The following DLEC1 variants were observed in gnomAD, a reference collection of about 807,000 sequenced individuals.
DLEC1 encodes the protein deleted in lung and esophageal cancer protein 1.
A neutral mutation model predicts 198.1 loss-of-function variants in DLEC1; 146 were observed. The observed-to-expected ratio is 0.74, with a 90% CI of 0.64 to 0.85. The LOEUF (loss-of-function observed/expected upper bound fraction) is 0.85, where lower values mean the gene tolerates loss of function less well. DLEC1 is among the 40% of genes least tolerant of loss of function. DLEC1 has a pLI of 0.00. For synonymous variants in DLEC1, 897 were observed against 866.8 expected (o/e 1.03, Z -0.61); for missense variants, 2,233 against 2,220.0 (o/e 1.01, Z -0.12).
At chr3:38,073,516 G>T (rs1697437710) in intron 6 of DLEC1, among the ~76,000 whole-genome samples, 2 of 152,120 alleles carry the variant, frequency 1.3e-5, no homozygotes, top group African/African-American at 4.8e-5. Context: ...GTGGGTTAAG[G>T]TGGGGGGATA....
Position 38,039,466 on chromosome 3 carries a change from C to G in DLEC1, c.241C>G (p.Arg81Gly). ...GCAGCGTCCCGAGCCTCAGCTGCTT[C>G]GTCTGCGCCCCTCCTCGCTGCGCAC... ...LAQRPEPQLL[R>G]LRPSSLRTQD... The change falls in exon 1 of 37, where the codon CGT (arginine) becomes GGT (glycine). Residue 81 changes from arginine (R) to glycine (G), a missense_variant. Arg to Gly is a moderately radical substitution (Grantham distance 125, BLOSUM62 -2). Transcript: ENST00000308059. The G allele has an allele frequency of 1.2e-6, 2 of 1,614,032 alleles. No homozygotes were observed. The highest frequency in any genetic ancestry group is 8.5e-7 in the Non-Finnish European group (1 of 1,179,892).
Position 38,117,507 on chromosome 3 carries a change from CAAT to C in DLEC1, c.4401-19_4401-17del, listed in dbSNP as rs1272315294. Reference sequence around the variant, plus strand: ...GCCCCAGGCGCCCGGCTTGCCCCAACAATGCCTATTGCTGGGCAGGCTAAGTGT... The same window carrying C: ...GCCCCAGGCGCCCGGCTTGCCCCAACGCCTATTGCTGGGCAGGCTAAGTGT... On this transcript the variant is annotated splice_polypyrimidine_tract_variant and intron_variant, in intron 31 of 36. Coordinates refer to ENST00000308059, the MANE Select transcript of DLEC1 (RefSeq NM_007335.4). 1.2e-6 allele frequency: 2 copies of C among 1,614,032 alleles called. No individual in the cohort carries two copies. The highest frequency in any genetic ancestry group is 1.7e-6 in the Non-Finnish European group (2 of 1,179,980).
intron 2 of DLEC1, among the ~76,000 whole-genome samples, chr3:38,058,985 TATAA>T (rs1270378218): frequency 5.9e-5 from 9 of 152,238 alleles, no homozygotes; most frequent in Admixed American, 2.6e-4. Flanking sequence ...TTGGAATACC[TATAA>T]ATAATGTTAT....
Position 38,063,894 on chromosome 3 carries a change from A to G in DLEC1, c.1148A>G (p.Asp383Gly). 2 of 1,612,656 alleles carry G rather than the reference A, an allele frequency of 1.2e-6. No homozygotes were observed. Among genetic ancestry groups the G allele is most frequent in the Non-Finnish European group, 1.7e-6 (2 of 1,179,272 alleles). Residue 383 changes from aspartate to glycine, a missense_variant, in exon 6 of 37, where the codon GAT becomes GGT. Transcript: ENST00000308059. ...AAGCCACCAATTGGGTTTTTCACAGATTATGAAATTGGTCCAGTTTATGAG... is the reference window on the plus strand; with the variant it reads ...AAGCCACCAATTGGGTTTTTCACAGGTTATGAAATTGGTCCAGTTTATGAG... The part of the protein sequence containing the change: ...LAKPPIGFFT[D>G]YEIGPVYEMV...
At chr3:38,045,077 C>A (rs1700821538) in intron 1 of DLEC1, among the ~76,000 whole-genome samples, 1 of 152,166 alleles carries the variant, frequency 6.6e-6, no homozygotes, top group South Asian at 2.1e-4. Context: ...GTCTTTATAC[C>A]CCTGCCTCTC....
Position 38,086,310 on chromosome 3 carries a change from A to T in DLEC1, c.1505A>T (p.Asn502Ile). The T allele has an allele frequency of 3.1e-6, 5 of 1,613,386 alleles. No individual in the cohort carries two copies. Among genetic ancestry groups the T allele is most frequent in the Non-Finnish European group, 4.2e-6 (5 of 1,179,612 alleles). ...AAGATGACCAGATTCATCTGCAAAA[A>T]TGTGGGTTTCAGTGTTGGCAGGTTC... ...GVKMTRFICK[N>I]VGFSVGRFCI... Residue 502 changes from asparagine to isoleucine, a missense_variant, in exon 9 of 37, where the codon AAT (asparagine) becomes ATT (isoleucine). By Grantham distance (149) the Asn-to-Ile change is moderately radical. Coordinates refer to ENST00000308059, the MANE Select transcript of DLEC1 (RefSeq NM_007335.4).
chr3:38,076,003 C>A (rs569279969), intron 6 of DLEC1, among the ~76,000 whole-genome samples: 15 of 152,146 alleles, frequency 9.9e-5, no homozygotes, highest in African/African-American at 3.6e-4. Flanking sequence ...GGCATCCCTG[C>A]AATGATTAAA....
chr3:38,100,360 G>A lies in DLEC1; in HGVS notation c.2799G>A (p.Leu933=), dbSNP rs1303947522. 1.2e-6 allele frequency: 2 copies of A among 1,613,934 alleles called. No individual in the cohort carries two copies. The highest frequency in any genetic ancestry group is 1.7e-6 in the Non-Finnish European group (2 of 1,180,008). ...GGGAGTGCAGGGTGGACATCACCTT[G>A]GAGGCCCTGCACTGCCAGCATCTGG... ...SLGECRVDIT[L]EALHCQHLET... Residue 933 remains leucine (L), a synonymous_variant, in exon 19 of 37, where the codon TTG becomes TTA. Transcript: ENST00000308059.
Position 38,093,762 on chromosome 3 carries a change from T to C in DLEC1, c.1914T>C (p.Asn638=). Residue 638 remains asparagine, a synonymous_variant, in exon 12 of 37, where the codon AAT becomes AAC. Transcript: ENST00000308059. Reference sequence around the variant, plus strand: ...CTAGGAAGCAGCTGATTATTAGAAATGCTACGTGGGTAACCCCTGTGTGTG... The same window carrying C: ...CTAGGAAGCAGCTGATTATTAGAAACGCTACGTGGGTAACCCCTGTGTGTG... ...STARKQLIIR[N]ATHVELAFYW... is the part of the protein sequence containing the mutation. 1 of 1,614,028 alleles carries C rather than the reference T, an allele frequency of 6.2e-7. No individual in the cohort carries two copies. The highest frequency in any genetic ancestry group is 8.5e-7 in the Non-Finnish European group (1 of 1,180,022).
At chr3:38,095,396 G>A in intron 13 of DLEC1, 1 of 359,230 alleles carries the variant, frequency 2.8e-6, no homozygotes, top group East Asian at 5.3e-5. Context: ...TAGAGAGAGT[G>A]AGGTGCAGGG....
intron 1 of DLEC1, among the ~76,000 whole-genome samples, chr3:38,041,573 G>C (rs970405487): frequency 4.6e-5 from 7 of 152,116 alleles, no homozygotes; most frequent in African/African-American, 1.7e-4. Context: ...ATGCGGCCGG[G>C]CGTGGTGGCT....
At chr3:38,109,201 T>C (rs1699728695) in intron 21 of DLEC1, among the ~76,000 whole-genome samples, 1 of 152,168 alleles carries the variant, frequency 6.6e-6, no homozygotes, top group Admixed American at 6.5e-5. Context: ...TCCCTTCACG[T>C]GGGCATGCCC....
chr3:38,108,458 C>A lies in DLEC1; in HGVS notation c.3072C>A (p.Gly1024=). 2 of 1,614,190 alleles carry A rather than the reference C, an allele frequency of 1.2e-6. No individual in the cohort carries two copies. The highest frequency in any genetic ancestry group is 1.1e-5 in the South Asian group (1 of 91,084). Residue 1024 remains glycine (G), a synonymous_variant, in exon 21 of 37, where the codon GGC becomes GGA. Coordinates refer to ENST00000308059, the MANE Select transcript of DLEC1 (RefSeq NM_007335.4). Reference sequence around the variant, plus strand: ...TGGTGACAGTCTCCCCCAAACATGGCCTGCTGGGCCCAAGTGAGGAGTGCC... The same window carrying A: ...TGGTGACAGTCTCCCCCAAACATGGACTGCTGGGCCCAAGTGAGGAGTGCC... ...FCMVTVSPKH[G]LLGPSEECQL...
At position 38,098,404 on chromosome 3, in the gene DLEC1, A is replaced by AG. The variant is rs1268294556; in HGVS notation, c.2724+504dup. 5.3e-5 allele frequency among the ~76,000 whole-genome samples: 8 copies of AG among 152,380 alleles called. No homozygotes were observed. The East Asian group carries it at 1.3e-3, about 26-fold the overall frequency. On this transcript the variant is annotated intron_variant, in intron 18 of 36. Transcript: ENST00000308059. ...AAATGGCACTTTTCACTATAAAAGT[A>AG]GGAAAAAAAGCAGCTAAGTATTATC...
At chr3:38,102,308 T>C (rs1699346784) in intron 19 of DLEC1, among the ~76,000 whole-genome samples, 1 of 152,200 alleles carries the variant, frequency 6.6e-6, no homozygotes, top group Non-Finnish European at 1.5e-5. Flanking sequence ...GCTCTTGCTC[T>C]TGTGTGGGTC....
chr3:38,060,898 T>C (rs1210710933), intron 3 of DLEC1, among the ~76,000 whole-genome samples: 1 of 151,984 alleles, frequency 6.6e-6, no homozygotes, highest in East Asian at 1.9e-4. Flanking sequence ...TTCTCCATGT[T>C]GGTCTCAAAC....
chr3:38,121,996 G>C (rs1045505618), intron 35 of DLEC1, 75 bp from the exon 36 acceptor site: 11 of 1,586,706 alleles, frequency 6.9e-6, no homozygotes, highest in Non-Finnish European at 9.5e-6. Flanking sequence ...TACAGGCCCG[G>C]GGGTGGGTAA....
intron 27 of DLEC1, among the ~76,000 whole-genome samples, chr3:38,116,136 G>A (rs1700145836): frequency 6.6e-6 from 1 of 152,136 alleles, no homozygotes; most frequent in Non-Finnish European, 1.5e-5. Flanking sequence ...AGCCCAGCCT[G>A]CCCACAAACA....
intron 6 of DLEC1, among the ~76,000 whole-genome samples, chr3:38,075,509 G>C (rs1188449614): frequency 6.6e-6 from 1 of 151,860 alleles, no homozygotes; most frequent in African/African-American, 2.4e-5. Flanking sequence ...AGGGTGGAAG[G>C]TTGCCCATAG....
Sources: allele counts gnomAD v4.1 joint callset (sites outside exome capture counted in the v4.1 genomes callset), GRCh38; gene constraint gnomAD v4.1.1; transcripts MANE v1.5; gene names NCBI Gene and HGNC (gene_info 2026-07-23, HGNC 2026-07-21).